The following GRK3 variants were observed in gnomAD, a reference collection of about 807,000 sequenced individuals.
The protein encoded by GRK3 is G protein-coupled receptor kinase 3.
A neutral mutation model predicts 95.7 loss-of-function variants in GRK3; 54 were observed. The ratio of observed to expected loss-of-function variants is 0.56; its 90% CI spans 0.45 to 0.71. The LOEUF is 0.71. Ranked by LOEUF, GRK3 falls within the 30% of genes least tolerant of loss-of-function variation. GRK3 has a pLI of 0.00. For missense variants in GRK3, 649 were observed against 851.2 expected (o/e 0.76, Z 2.96); for synonymous variants, 281 against 290.8 (o/e 0.97, Z 0.34).
In GRK3 at chr22:25,724,552, T is replaced by C. The variant is rs1323654722; in HGVS notation, c.*2102T>C. On this transcript the variant is annotated 3_prime_UTR_variant, in exon 21 of 21. Transcript: ENST00000324198. ...GAATTGGAAAATGCTCTGAAAGTCC[T>C]TTTGCTTCAAACAAAAGTGTAAACT... 2 of 152,252 alleles carry C rather than the reference T, an allele frequency of 1.3e-5. No individual in the cohort carries two copies. Among genetic ancestry groups the C allele is most frequent in the Non-Finnish European group, 2.9e-5 (2 of 68,046 alleles). The allele number at this position is 152,252 out of a possible 1,614,324, so 9.4% of individuals were successfully genotyped here.
At chr22:25,642,741 C>A (rs2084752479) in intron 2 of GRK3, among the ~76,000 whole-genome samples, 1 of 152,166 alleles carries the variant, frequency 6.6e-6, no homozygotes, top group Non-Finnish European at 1.5e-5. Flanking sequence ...TTCTGACTGA[C>A]TTCACTTAGG....
At chr22:25,687,129 TTTTTG>T (rs1178226892) in intron 10 of GRK3, among the ~76,000 whole-genome samples, 2 of 152,044 alleles carry the variant, frequency 1.3e-5, no homozygotes, top group African/African-American at 4.8e-5. Flanking sequence ...CTAGTTTTTT[TTTTTG>T]TTTGTTTTTT....
chr22:25,618,169 A>C (rs1057045588), intron 2 of GRK3, among the ~76,000 whole-genome samples: 2 of 152,222 alleles, frequency 1.3e-5, no homozygotes, highest in African/African-American at 4.8e-5. Flanking sequence ...GTGTGGGGCA[A>C]ATATGAATAA....
intron 1 of GRK3, among the ~76,000 whole-genome samples, chr22:25,586,481 A>T (rs1289902388): frequency 1.3e-5 from 2 of 152,286 alleles, no homozygotes; most frequent in African/African-American, 4.8e-5. Context: ...GTCCCCGTAA[A>T]TATATCTACC....
At chr22:25,674,665 G>T in intron 8 of GRK3, 137 bp downstream of exon 8, 1 of 704,548 alleles carries the variant, frequency 1.4e-6, no homozygotes. Flanking sequence ...GAAATAAGCT[G>T]TAGGCCGGGC....
chr22:25,695,990 C>T (rs1422028912), intron 13 of GRK3, among the ~76,000 whole-genome samples: 2 of 152,126 alleles, frequency 1.3e-5, no homozygotes, highest in Non-Finnish European at 1.5e-5. Flanking sequence ...CCTGCCACCA[C>T]GCCAGGCTAA....
chr22:25,590,173 T>G (rs1022227154), intron 1 of GRK3, among the ~76,000 whole-genome samples: 3 of 152,226 alleles, frequency 2.0e-5, no homozygotes, highest in African/African-American at 7.2e-5. Context: ...AATTTCATCT[T>G]TAAATATTTC....
chr22:25,658,009 C>T (rs1403032600), intron 3 of GRK3, among the ~76,000 whole-genome samples: 1 of 152,002 alleles, frequency 6.6e-6, no homozygotes, highest in African/African-American at 2.4e-5. Context: ...TTTTTTACTT[C>T]TGACATTTTT....
At chr22:25,630,218 A>G (rs1203034027) in intron 2 of GRK3, among the ~76,000 whole-genome samples, 1 of 151,746 alleles carries the variant, frequency 6.6e-6, no homozygotes, top group Admixed American at 6.6e-5. Flanking sequence ...CATGCTTACA[A>G]CCTCCCCACC....
chr22:25,572,232 C>T (rs1374014178), intron 1 of GRK3, among the ~76,000 whole-genome samples: 2 of 152,100 alleles, frequency 1.3e-5, no homozygotes, highest in East Asian at 3.9e-4. Context: ...GTATATGTGC[C>T]AGATTTTCTT....
At position 25,722,843 on chromosome 22, in the gene GRK3, T is replaced by C. The variant is rs2146479312; in HGVS notation, c.*393T>C. ...CATATTCTGTCTAGTCACTGCTGAT[T>C]TTCTATGTCTTTGCTCCATACTGCT... On this transcript the variant is annotated 3_prime_UTR_variant, in exon 21 of 21. Transcript: ENST00000324198. 6.3e-6 allele frequency: 1 copy of C among 158,492 alleles called. No individual in the cohort carries two copies. Among genetic ancestry groups the C allele is most frequent in the Middle Eastern group, 3.2e-3 (1 of 316 alleles). 9.8% of individuals were successfully genotyped at this position (158,492 alleles called of 1,614,324 possible).
chr22:25,676,516 C>A (rs80290139), intron 8 of GRK3, among the ~76,000 whole-genome samples: 1 of 151,910 alleles, frequency 6.6e-6, no homozygotes, highest in Non-Finnish European at 1.5e-5. Context: ...ACAGTGAAAC[C>A]CTGTCACTAC....
intron 1 of GRK3, among the ~76,000 whole-genome samples, chr22:25,575,129 A>C (rs1158531781): frequency 6.6e-6 from 1 of 152,216 alleles, no homozygotes; most frequent in African/African-American, 2.4e-5. Flanking sequence ...TAAATTCCAC[A>C]TGGAAAACTA....
rs189355560 is a variant in GRK3 at position 25,702,485 on chromosome 22, G to C, written c.1161-1025G>C. On this transcript the variant is annotated intron_variant, in intron 13 of 20. Coordinates refer to ENST00000324198, the MANE Select transcript of GRK3 (RefSeq NM_005160.4). ...AATTTATAAGATGACTACTTTGTAGGCACATCTTGTTATAAGAAAAGTCAA... is the reference window on the plus strand; with the variant it reads ...AATTTATAAGATGACTACTTTGTAGCCACATCTTGTTATAAGAAAAGTCAA... Among the ~76,000 whole-genome samples, 257 of 152,088 alleles carry C rather than the reference G, an allele frequency of 1.7e-3. 2 individuals carry two copies. The Middle Eastern group carries it at 0.024, about 14-fold the overall frequency.
chr22:25,630,241 G>A (rs377714816), intron 2 of GRK3, among the ~76,000 whole-genome samples: 24 of 152,240 alleles, frequency 1.6e-4, no homozygotes, highest in African/African-American at 3.9e-4. Context: ...CACTTTGTCC[G>A]GAGAGGTGGA....
rs1442628376 is a variant in GRK3 at position 25,725,509 on chromosome 22, T to C, written c.*3059T>C. On this transcript the variant is annotated 3_prime_UTR_variant, in exon 21 of 21. Coordinates refer to ENST00000324198, the MANE Select transcript of GRK3 (RefSeq NM_005160.4). Reference sequence around the variant, plus strand: ...CATCCCCTCATGTCATGGGGGCTCATTGGTTTTCCTTCTTTGTCATATTTA... The same window carrying C: ...CATCCCCTCATGTCATGGGGGCTCACTGGTTTTCCTTCTTTGTCATATTTA... 7.5e-6 allele frequency: 3 copies of C among 398,390 alleles called. No individual in the cohort carries two copies. The highest frequency in any genetic ancestry group is 3.6e-5 in the East Asian group (1 of 28,080). The allele number at this position is 398,390 out of a possible 1,614,324, so 24.7% of individuals were successfully genotyped here.
chr22:25,714,751 C>T (rs2085370191), intron 18 of GRK3, among the ~76,000 whole-genome samples, 181 bp downstream of exon 18: 1 of 152,196 alleles, frequency 6.6e-6, no homozygotes, highest in Non-Finnish European at 1.5e-5. Flanking sequence ...AGTCTTCAGG[C>T]AGCACACAAA....
intron 18 of GRK3, among the ~76,000 whole-genome samples, chr22:25,716,711 C>T (rs2085388517): frequency 6.6e-6 from 1 of 152,002 alleles, no homozygotes; most frequent in Non-Finnish European, 1.5e-5. Context: ...CTGGAGAAAA[C>T]CAATAAGAAT....
chr22:25,695,257 AGGAG>A, intron 13 of GRK3, 43 bp downstream of exon 13: 3 of 1,396,866 alleles, frequency 2.1e-6, no homozygotes, highest in South Asian at 1.2e-5. Context: ...TCATGGCAGC[AGGAG>A]CTTGGATGAA....
Sources: allele counts gnomAD v4.1 joint callset (sites outside exome capture counted in the v4.1 genomes callset), GRCh38; gene constraint gnomAD v4.1.1; transcripts MANE v1.5; gene names NCBI Gene and HGNC (gene_info 2026-07-23, HGNC 2026-07-21).